Variants in DAB1 observed in about 807,000 individuals in gnomAD.
The protein encoded by DAB1 is disabled homolog 1.
DAB1 carries 15 observed loss-of-function variants against 64.6 expected under a neutral mutation model. The ratio of observed to expected loss-of-function variants is 0.23; its 90% CI spans 0.16 to 0.36. DAB1 has a LOEUF of 0.36. DAB1 is among the 10% of genes least tolerant of loss of function. The pLI is 1.00. For missense variants in DAB1, 596 were observed against 706.7 expected (o/e 0.84, Z 1.78); for synonymous variants, 235 against 251.9 (o/e 0.93, Z 0.64).
chr1:58,101,478 G>C (rs1001101868), intron 5 of DAB1, among the ~76,000 whole-genome samples: 1 of 152,114 alleles, frequency 6.6e-6, no homozygotes, highest in East Asian at 1.9e-4. Flanking sequence ...GGGTACCTGG[G>C]GGGTAAGGGG....
At chr1:57,686,345 C>A (rs879549571) in intron 6 of DAB1, among the ~76,000 whole-genome samples, 1 of 152,194 alleles carries the variant, frequency 6.6e-6, no homozygotes, top group East Asian at 1.9e-4. Context: ...AAGATTGAAC[C>A]AGGAAGAATG....
At chr1:57,909,640 T>A (rs1166682171) in intron 5 of DAB1, among the ~76,000 whole-genome samples, 1 of 152,176 alleles carries the variant, frequency 6.6e-6, no homozygotes, top group African/African-American at 2.4e-5. Context: ...GCTGATTCTG[T>A]GCCATTTAGC....
chr1:58,541,442 T>G, intron 1 of DAB1: 1 of 136,786 alleles, frequency 7.3e-6, no homozygotes, highest in Non-Finnish European at 1.6e-5. Context: ...GCTTGAGGAG[T>G]TGTAGGAAAA....
At chr1:57,422,885 C>T (rs1685033202) in intron 1 of DAB1, among the ~76,000 whole-genome samples, 1 of 152,146 alleles carries the variant, frequency 6.6e-6, no homozygotes, top group South Asian at 2.1e-4. Context: ...GAAAAAGCGC[C>T]TTAAAAAGTG....
At chr1:58,325,275 G>C (rs1662795626) in intron 4 of DAB1, among the ~76,000 whole-genome samples, 1 of 152,148 alleles carries the variant, frequency 6.6e-6, no homozygotes, top group Non-Finnish European at 1.5e-5. Flanking sequence ...TGTGCTCTTT[G>C]ACTTTTATCA....
rs746479780 is a variant in DAB1, at chr1:57,803,860, G to GT, written n.551+80138dup. ...CTTCCTTGCTTTTTCCTAGCTCAGTGTTTTTCAAACTGTGTATTATAACTC... is the reference window on the plus strand; with the variant it reads ...CTTCCTTGCTTTTTCCTAGCTCAGTGTTTTTTCAAACTGTGTATTATAACTC... On this transcript the variant is annotated intron_variant and non_coding_transcript_variant, in intron 6 of 20. Transcript: ENST00000485760. 4.6e-5 allele frequency among the ~76,000 whole-genome samples: 7 copies of GT among 152,274 alleles called. 1 individual carries two copies. In the East Asian group the frequency reaches 5.8e-4, roughly 13 times the overall value.
intron 1 of DAB1, among the ~76,000 whole-genome samples, chr1:57,317,221 C>T (rs1192176828): frequency 6.6e-6 from 1 of 152,160 alleles, no homozygotes; most frequent in African/African-American, 2.4e-5. Context: ...CCACCAACGG[C>T]CCCTTGAGTG....
chr1:57,333,385 AAT>A (rs2100803993), intron 1 of DAB1, among the ~76,000 whole-genome samples: 1 of 152,314 alleles, frequency 6.6e-6, no homozygotes, highest in Non-Finnish European at 1.5e-5. Context: ...CCGACAGGAG[AAT>A]GGGCACACTT....
chr1:57,501,457 AATAG>A (rs1211581835), intron 7 of DAB1, among the ~76,000 whole-genome samples: 1 of 152,208 alleles, frequency 6.6e-6, no homozygotes, highest in Non-Finnish European at 1.5e-5. Context: ...CACTAGAAAT[AATAG>A]ATAAGTGTTT....
intron 6 of DAB1, among the ~76,000 whole-genome samples, chr1:57,749,025 A>G (rs1648425157): frequency 6.6e-6 from 1 of 152,220 alleles, no homozygotes; most frequent in Non-Finnish European, 1.5e-5. Flanking sequence ...TTGTGATTCA[A>G]TTATTTGCAG....
chr1:57,996,606 A>G (rs1646429039), intron 5 of DAB1, among the ~76,000 whole-genome samples: 1 of 152,208 alleles, frequency 6.6e-6, no homozygotes, highest in Non-Finnish European at 1.5e-5. Flanking sequence ...CTTTGACAGC[A>G]TCTTCCGACT....
intron 1 of DAB1, among the ~76,000 whole-genome samples, chr1:57,302,234 T>C (rs958946856): frequency 8.5e-5 from 13 of 152,096 alleles, no homozygotes; most frequent in Non-Finnish European, 1.2e-4. Flanking sequence ...TAAATGAGAA[T>C]GGATGCCCTG....
intron 6 of DAB1, among the ~76,000 whole-genome samples, chr1:57,661,417 G>A (rs903020554): frequency 5.9e-5 from 9 of 152,188 alleles, no homozygotes; most frequent in Admixed American, 1.3e-4. Context: ...GTGACACTCG[G>A]TTACCTTCTT....
intron 7 of DAB1, among the ~76,000 whole-genome samples, chr1:57,567,572 A>G (rs959985074): frequency 2.0e-5 from 3 of 152,248 alleles, no homozygotes; most frequent in Non-Finnish European, 2.9e-5. Flanking sequence ...AAGCAACTTC[A>G]GCAAAGTCTC....
At chr1:58,521,273 A>C (rs1035470078) in intron 2 of DAB1, among the ~76,000 whole-genome samples, 2 of 152,126 alleles carry the variant, frequency 1.3e-5, no homozygotes, top group African/African-American at 4.8e-5. Context: ...CCCTTGCAAC[A>C]TGACAAGTAA....
intron 3 of DAB1, among the ~76,000 whole-genome samples, chr1:58,446,857 T>A (rs1004298331): frequency 2.6e-5 from 4 of 152,220 alleles, no homozygotes; most frequent in Admixed American, 2.0e-4. Context: ...CAAGGCAAAC[T>A]AATGTGTCAC....
chr1:58,437,381 G>A (rs919334275), intron 3 of DAB1, among the ~76,000 whole-genome samples: 2 of 152,132 alleles, frequency 1.3e-5, no homozygotes, highest in Non-Finnish European at 2.9e-5. Context: ...GGAGAAAGCC[G>A]GGCAGGAGGA....
intron 3 of DAB1, among the ~76,000 whole-genome samples, chr1:58,418,371 T>C (rs375830953): frequency 2.2e-4 from 33 of 152,244 alleles, no homozygotes; most frequent in East Asian, 2.1e-3. Flanking sequence ...TCGATCACAC[T>C]CCTTGGTCAA....
At chr1:58,449,099 A>C (rs1645104031) in intron 3 of DAB1, among the ~76,000 whole-genome samples, 1 of 152,252 alleles carries the variant, frequency 6.6e-6, no homozygotes, top group African/African-American at 2.4e-5. Context: ...CCACGCGTGC[A>C]TGAATGAATA....
Sources: gnomAD v4.1 joint callset for allele counts (sites outside exome capture counted in the v4.1 genomes callset) on GRCh38, gnomAD v4.1.1 for gene constraint, MANE v1.5 for transcripts, NCBI Gene and HGNC (gene_info 2026-07-23, HGNC 2026-07-21) for gene names.